Variants in WWOX observed in about 807,000 individuals in gnomAD.
WWOX encodes WW domain containing oxidoreductase.
Under a neutral mutation model 46.2 loss-of-function variants are expected in WWOX, and 69 were observed. The observed-to-expected ratio is 1.49, with a 90% confidence interval of 1.23 to 1.82. The LOEUF is 1.82. Ranked by LOEUF, WWOX falls within the 40% of genes most tolerant of loss-of-function variation. WWOX has a pLI of 0.00. For missense variants in WWOX, 919 were observed against 542.6 expected, an observed-to-expected ratio of 1.69 and a Z score of -6.89; for synonymous variants, 359 against 202.6, an observed-to-expected ratio of 1.77 and a Z score of -6.56.
At chr16:78,337,730 C>T (rs1169707776) in intron 5 of WWOX, among the ~76,000 whole-genome samples, 1 of 124,790 alleles carries the variant, frequency 8.0e-6, no homozygotes, top group Non-Finnish European at 1.9e-5. Flanking sequence ...TAGAGGATCT[C>T]AGTGCTCAGA....
intron 8 of WWOX, among the ~76,000 whole-genome samples, chr16:78,918,927 T>A (rs1476159468): frequency 6.6e-6 from 1 of 152,136 alleles, no homozygotes; most frequent in Non-Finnish European, 1.5e-5. Context: ...GTTGTTATTG[T>A]GGTTACTTGT....
At chr16:78,714,181 A>T (rs146129661) in intron 8 of WWOX, among the ~76,000 whole-genome samples, 3 of 152,194 alleles carry the variant, frequency 2.0e-5, no homozygotes, top group Non-Finnish European at 4.4e-5. Flanking sequence ...TATATGTCCT[A>T]TATTAGTCTA....
intron 8 of WWOX, among the ~76,000 whole-genome samples, chr16:78,856,487 A>G (rs2052569620): frequency 6.6e-6 from 1 of 152,146 alleles, no homozygotes; most frequent in Non-Finnish European, 1.5e-5. Flanking sequence ...TGCTAAAAAT[A>G]CAAAAATCAG....
chr16:79,017,671 T>C (rs1418069414), intron 8 of WWOX, among the ~76,000 whole-genome samples: 2 of 152,114 alleles, frequency 1.3e-5, no homozygotes, highest in East Asian at 3.9e-4. Flanking sequence ...ACACTGAAAT[T>C]TGAATTCCAT....
At chr16:78,394,453 G>A (rs995944584) in intron 6 of WWOX, among the ~76,000 whole-genome samples, 1 of 151,984 alleles carries the variant, frequency 6.6e-6, no homozygotes, top group Non-Finnish European at 1.5e-5. Context: ...AGTGTATCTA[G>A]AAACATCAGG....
chr16:79,056,716 A>G (rs1053848661), intron 8 of WWOX, among the ~76,000 whole-genome samples: 1 of 152,214 alleles, frequency 6.6e-6, no homozygotes, highest in Non-Finnish European at 1.5e-5. Flanking sequence ...CTTGGCTGGG[A>G]TAAGTCTTCT....
intron 8 of WWOX, among the ~76,000 whole-genome samples, chr16:78,793,381 C>T (rs1410150268): frequency 1.3e-5 from 2 of 152,142 alleles, no homozygotes; most frequent in African/African-American, 2.4e-5. Context: ...TTTAAATGCT[C>T]AAACTTGGTA....
intron 5 of WWOX, among the ~76,000 whole-genome samples, chr16:78,210,757 A>G (rs2036535120): frequency 5.3e-5 from 8 of 152,328 alleles, no homozygotes; most frequent in Admixed American, 4.6e-4. Context: ...GCATTTCATC[A>G]TCTCTAATAT....
At chr16:79,208,796 G>C (rs890302084) in intron 8 of WWOX, among the ~76,000 whole-genome samples, 5 of 152,168 alleles carry the variant, frequency 3.3e-5, no homozygotes, top group African/African-American at 1.2e-4. Context: ...CATCACATCT[G>C]ATCATATTAA....
At position 78,549,331 on chromosome 16, in the gene WWOX, C is replaced by G. The variant is rs140938552; in HGVS notation, c.1056+116579C>G. On this transcript the variant is annotated intron_variant, in intron 8 of 8. Transcript: ENST00000566780. ...TGGGGAGCGTTCAACCTGATTGAATCTGCTGTAAGCTCTGTTAATATATTT... is the reference window on the plus strand; with the variant it reads ...TGGGGAGCGTTCAACCTGATTGAATGTGCTGTAAGCTCTGTTAATATATTT... Among the ~76,000 whole-genome samples, 378 of 152,332 alleles carry G rather than the reference C, an allele frequency of 2.5e-3. 1 individual carries two copies. The highest frequency in any genetic ancestry group is 8.3e-3 in the African/African-American group (345 of 41,576).
At chr16:78,587,354 TTAAAA>T (rs2045235176) in intron 8 of WWOX, among the ~76,000 whole-genome samples, 1 of 151,992 alleles carries the variant, frequency 6.6e-6, no homozygotes, top group South Asian at 2.1e-4. Context: ...CTTTACATTT[TTAAAA>T]TAAAATTTCA....
chr16:78,312,823 A>T (rs1275813602), intron 5 of WWOX, among the ~76,000 whole-genome samples: 1 of 152,204 alleles, frequency 6.6e-6, no homozygotes, highest in Non-Finnish European at 1.5e-5. Flanking sequence ...AACCAACCAG[A>T]CAGGCCTAGG....
intron 8 of WWOX, among the ~76,000 whole-genome samples, chr16:79,045,241 CT>C (rs1343575745): frequency 6.6e-6 from 1 of 152,200 alleles, no homozygotes; most frequent in Non-Finnish European, 1.5e-5. Flanking sequence ...TCAGCAAGAG[CT>C]TTCTAAGGGT....
At chr16:79,038,920 C>T (rs1010047005) in intron 8 of WWOX, among the ~76,000 whole-genome samples, 1 of 152,184 alleles carries the variant, frequency 6.6e-6, no homozygotes, top group Admixed American at 6.5e-5. Context: ...GGATAACTTA[C>T]AAATCTGCAT....
At chr16:78,819,447 C>T (rs865961994) in intron 8 of WWOX, among the ~76,000 whole-genome samples, 4 of 152,192 alleles carry the variant, frequency 2.6e-5, no homozygotes, top group African/African-American at 9.7e-5. Flanking sequence ...TGACAATGAC[C>T]CAACAACCTG....
intron 5 of WWOX, among the ~76,000 whole-genome samples, chr16:78,250,214 T>A (rs1241780362): frequency 6.6e-6 from 1 of 152,194 alleles, no homozygotes; most frequent in Admixed American, 6.5e-5. Context: ...GATCATTTCT[T>A]TAGCACAACG....
intron 8 of WWOX, among the ~76,000 whole-genome samples, chr16:79,177,331 C>A (rs551930260): frequency 2.6e-5 from 4 of 152,180 alleles, no homozygotes; most frequent in African/African-American, 9.6e-5. Flanking sequence ...AGGAAATTTT[C>A]CCTGTTAAAG....
chr16:78,297,059 TG>T (rs2079954144), intron 5 of WWOX, among the ~76,000 whole-genome samples: 1 of 152,214 alleles, frequency 6.6e-6, no homozygotes, highest in Non-Finnish European at 1.5e-5. Flanking sequence ...AAATATGTCC[TG>T]GGTTGGAAAA....
At chr16:78,591,395 C>T (rs979005827) in intron 8 of WWOX, among the ~76,000 whole-genome samples, 12 of 152,154 alleles carry the variant, frequency 7.9e-5, no homozygotes, top group African/African-American at 2.7e-4. Flanking sequence ...AGTAACAGCC[C>T]AGTACACAAC....
Sources: gnomAD v4.1 joint callset for allele counts (sites outside exome capture counted in the v4.1 genomes callset) on GRCh38, gnomAD v4.1.1 for gene constraint, MANE v1.5 for transcripts, NCBI Gene and HGNC (gene_info 2026-07-23, HGNC 2026-07-21) for gene names.